The following SNX29 variants were observed in gnomAD, a reference collection of about 807,000 sequenced individuals.
The protein encoded by SNX29 is sorting nexin-29.
Under a neutral mutation model 102.1 loss-of-function variants are expected in SNX29, and 78 were observed. That is an observed-to-expected ratio of 0.76 (90% CI 0.64 to 0.92). SNX29 has a LOEUF of 0.92. Among genes scored for constraint, SNX29 ranks in the 40% least tolerant of loss-of-function variants. The pLI is 0.00. For synonymous variants in SNX29, 580 were observed against 414.5 expected (o/e 1.40, Z -4.85); for missense variants, 1,280 against 1,061.7 (o/e 1.21, Z -2.86).
At chr16:12,099,612 C>G (rs1217265337) in intron 11 of SNX29, among the ~76,000 whole-genome samples, 2 of 152,204 alleles carry the variant, frequency 1.3e-5, no homozygotes, top group African/African-American at 2.4e-5. Flanking sequence ...GGGTGGAGTC[C>G]TGTCGGCCTC....
intron 14 of SNX29, among the ~76,000 whole-genome samples, chr16:12,235,755 A>G (rs1357334878): frequency 4.6e-5 from 7 of 152,062 alleles, no homozygotes; most frequent in African/African-American, 7.2e-5. Flanking sequence ...CTTAAACACA[A>G]TAAAGGTGGA....
In SNX29 at chr16:12,069,085, G is replaced by A. The variant is rs763043339; in HGVS notation, c.1272G>A (p.Gly424=). The A allele has an allele frequency of 1.3e-5, 21 of 1,613,938 alleles. No homozygotes were observed. The highest frequency in any genetic ancestry group is 1.7e-5 in the Non-Finnish European group (20 of 1,179,840). The part of the protein sequence containing the change: ...ADAPLGSLEN[G]TGPEDHVLPD... ...CCCCCCTCGGAAGCCTGGAGAACGG[G>A]ACAGGACCAGAGGACCACGTTCTCC... The change falls in exon 10 of 21, where the codon GGG becomes GGA. Residue 424 remains glycine, a synonymous_variant. Transcript: ENST00000566228.
chr16:12,078,927 C>T lies in SNX29; in HGVS notation c.1402+12C>T, dbSNP rs182666721. ...GTCCATGACAATTAGTAAGTACTTT[C>T]GCAGCCCCCTCCACCAGCTCTGGGA... is the stretch of plus-strand genomic sequence containing the variant. On this transcript the variant is annotated intron_variant, in intron 11 of 20. Coordinates refer to ENST00000566228, the MANE Select transcript of SNX29 (RefSeq NM_032167.5). 1.6e-5 allele frequency: 25 copies of T among 1,588,482 alleles called. No homozygotes were observed. Among genetic ancestry groups the T allele is most frequent in the East Asian group, 9.1e-5 (4 of 43,936 alleles).
intron 3 of SNX29, among the ~76,000 whole-genome samples, chr16:12,013,500 A>AAAAATATAT: frequency 5.4e-4 from 17 of 31,614 alleles, no homozygotes; most frequent in South Asian, 1.4e-3. Flanking sequence ...AAAAAAAAAA[A>AAAAATATAT]ATATATATAT....
intron 14 of SNX29, among the ~76,000 whole-genome samples, chr16:12,240,346 C>T (rs141388122): frequency 4.6e-5 from 7 of 152,298 alleles, no homozygotes; most frequent in Non-Finnish European, 4.4e-5. Context: ...AGGCCTCACC[C>T]TCCTTGGTAC....
intron 20 of SNX29, chr16:12,546,652 A>G (rs1479086294): frequency 2.0e-5 from 3 of 152,228 alleles, no homozygotes; most frequent in Non-Finnish European, 2.9e-5. Flanking sequence ...ACAATTACCA[A>G]GAAGAGTGGA....
At chr16:12,555,343 C>T (rs1056571359) in intron 20 of SNX29, among the ~76,000 whole-genome samples, 1 of 151,866 alleles carries the variant, frequency 6.6e-6, no homozygotes, top group South Asian at 2.1e-4. Flanking sequence ...ACCTGAGAAA[C>T]ATGTTGGTTA....
At chr16:12,136,212 T>G (rs561661063) in intron 13 of SNX29, among the ~76,000 whole-genome samples, 72 of 152,356 alleles carry the variant, frequency 4.7e-4, no homozygotes, top group African/African-American at 1.7e-3. Context: ...GTTCTTTAAC[T>G]ATTTAGAAAC....
Position 12,496,747 on chromosome 16 carries a change from G to A in SNX29, c.2178+18888G>A, listed in dbSNP as rs1373779440. 2.0e-5 allele frequency among the ~76,000 whole-genome samples: 3 copies of A among 152,064 alleles called. No homozygotes were observed. The East Asian group carries it at 5.8e-4, about 29-fold the overall frequency. ...GCCGATCTCGAACTCCTAACCTCAA[G>A]TGATCCGCCCGCCTCGGCCTTCTGA... On this transcript the variant is annotated intron_variant, in intron 19 of 20. Transcript: ENST00000566228.
At position 12,570,037 on chromosome 16, in the gene SNX29, T is replaced by G; in HGVS notation, c.*1408T>G. 2.3e-6 allele frequency: 1 copy of G among 428,400 alleles called. No individual in the cohort carries two copies. Among genetic ancestry groups the G allele is most frequent in the South Asian group, 1.0e-4 (1 of 9,544 alleles). 26.5% of individuals were successfully genotyped at this position (428,400 alleles called of 1,614,324 possible). On this transcript the variant is annotated 3_prime_UTR_variant, in exon 21 of 21. Transcript: ENST00000566228. ...ACTGCCCAGGTGAGCATGGAGCATC[T>G]CCTAGGCTCGAGGACATCTCTGGAG...
intron 20 of SNX29, among the ~76,000 whole-genome samples, chr16:12,543,268 A>C (rs956702378): frequency 6.6e-6 from 1 of 152,304 alleles, no homozygotes; most frequent in East Asian, 1.9e-4. Context: ...CTGGGTCATC[A>C]GCGCATGCAT....
chr16:12,064,541 A>G (rs1016518051), intron 9 of SNX29, among the ~76,000 whole-genome samples: 1 of 152,222 alleles, frequency 6.6e-6, no homozygotes, highest in Non-Finnish European at 1.5e-5. Context: ...TGCAGTAACG[A>G]TGCTGTCAGG....
intron 15 of SNX29, among the ~76,000 whole-genome samples, chr16:12,290,407 C>G (rs1208675038): frequency 6.6e-6 from 1 of 152,092 alleles, no homozygotes; most frequent in East Asian, 1.9e-4. Flanking sequence ...TCCTGGAAGC[C>G]TTCTCAAATC....
rs1050388554 is a variant in SNX29 at position 12,136,515 on chromosome 16, C to T, written c.1595+6757C>T. Among the ~76,000 whole-genome samples, 15 of 152,288 alleles carry T rather than the reference C, an allele frequency of 9.8e-5. No individual in the cohort carries two copies. The East Asian group carries it at 2.9e-3, about 29-fold the overall frequency. ...TTGCAGTAGCTGGGAAATCCAAGGA[C>T]AGGTCACTTTCTTCAAGCACTGTGG... On this transcript the variant is annotated intron_variant, in intron 13 of 20. Transcript: ENST00000566228.
intron 14 of SNX29, among the ~76,000 whole-genome samples, chr16:12,205,762 T>C (rs1420688792): frequency 6.6e-6 from 1 of 152,238 alleles, no homozygotes; most frequent in African/African-American, 2.4e-5. Context: ...TCTTGGTCAT[T>C]GATTTTCTTG....
intron 14 of SNX29, among the ~76,000 whole-genome samples, chr16:12,225,638 G>A (rs1469168305): frequency 6.6e-6 from 1 of 152,140 alleles, no homozygotes; most frequent in Non-Finnish European, 1.5e-5. Flanking sequence ...TTGTGAAAAC[G>A]GACTAATACA....
intron 13 of SNX29, among the ~76,000 whole-genome samples, chr16:12,191,592 A>C (rs535171263): frequency 6.6e-6 from 1 of 152,344 alleles, no homozygotes; most frequent in Non-Finnish European, 1.5e-5. Context: ...GCAGTGTAAG[A>C]ATGCATGTTG....
At chr16:12,474,423 A>G (rs112704411) in intron 18 of SNX29, among the ~76,000 whole-genome samples, 2 of 152,122 alleles carry the variant, frequency 1.3e-5, no homozygotes, top group African/African-American at 2.4e-5. Context: ...TGGCCTAAAC[A>G]TGAAACATGC....
chr16:11,985,745 G>C (rs1362033812), intron 1 of SNX29, among the ~76,000 whole-genome samples: 2 of 152,116 alleles, frequency 1.3e-5, no homozygotes, highest in Non-Finnish European at 2.9e-5. Flanking sequence ...GGGTGGTTAG[G>C]AATGTGATGT....
Sources: allele counts gnomAD v4.1 joint callset (sites outside exome capture counted in the v4.1 genomes callset), GRCh38; gene constraint gnomAD v4.1.1; transcripts MANE v1.5; gene names NCBI Gene and HGNC (gene_info 2026-07-23, HGNC 2026-07-21).